ATP9A: variants seen among roughly 807,000 people sequenced by gnomAD.
ATP9A encodes probable phospholipid-transporting ATPase IIA.
Under a neutral mutation model 144.1 loss-of-function variants are expected in ATP9A, and 52 were observed. The observed-to-expected ratio is 0.36, with a 90% confidence interval of 0.29 to 0.45. The LOEUF is 0.45. Ranked by LOEUF, ATP9A falls within the 20% of genes least tolerant of loss-of-function variation. The pLI, the probability that ATP9A is intolerant of heterozygous loss-of-function variation, is 1.00. For missense variants in ATP9A, 947 were observed against 1,392.7 expected (o/e 0.68, Z 5.09); for synonymous variants, 582 against 557.4 (o/e 1.04, Z -0.62).
intron 1 of ATP9A, among the ~76,000 whole-genome samples, chr20:51,743,535 G>A (rs1233462976): frequency 2.0e-5 from 3 of 150,034 alleles, no homozygotes; most frequent in Admixed American, 6.7e-5. Context: ...GAGTAGCTGG[G>A]ATTACAGGCG....
At chr20:51,724,711 A>G (rs1324825493) in intron 3 of ATP9A, among the ~76,000 whole-genome samples, 2 of 152,202 alleles carry the variant, frequency 1.3e-5, no homozygotes, top group African/African-American at 2.4e-5. Flanking sequence ...GGCCTGGCAC[A>G]CAGCAGGTGC....
In ATP9A at chr20:51,618,735, T is replaced by A. The variant is rs762974731; in HGVS notation, c.2277A>T (p.Arg759=). Residue 759 remains arginine (R), a synonymous_variant, in exon 21 of 28, where the codon CGA becomes CGT. Transcript: ENST00000338821. ...ACQCPAVVCC[R]CAPTQKAQIV... Reference sequence around the variant, plus strand: ...TCTGGGCCTTCTGGGTGGGGGCACATCGGCAGCAGACTACGGCCGGGCACT... The same window carrying A: ...TCTGGGCCTTCTGGGTGGGGGCACAACGGCAGCAGACTACGGCCGGGCACT... The A allele has an allele frequency of 6.2e-7, 1 of 1,612,318 alleles. No individual in the cohort carries two copies. Among genetic ancestry groups the A allele is most frequent in the Non-Finnish European group, 8.5e-7 (1 of 1,179,358 alleles).
intron 1 of ATP9A, among the ~76,000 whole-genome samples, chr20:51,732,105 G>A (rs996373157): frequency 2.0e-5 from 3 of 152,038 alleles, no homozygotes; most frequent in Non-Finnish European, 4.4e-5. Flanking sequence ...CCACTCCCAG[G>A]TCACCCTCCC....
intron 2 of ATP9A, among the ~76,000 whole-genome samples, chr20:51,729,604 G>A (rs901529773): frequency 2.6e-5 from 4 of 152,112 alleles, no homozygotes; most frequent in Non-Finnish European, 5.9e-5. Flanking sequence ...AATTAGCCAC[G>A]CGTGGTGGCA....
At chr20:51,764,976 C>T (rs550713194) in intron 1 of ATP9A, among the ~76,000 whole-genome samples, 3 of 152,246 alleles carry the variant, frequency 2.0e-5, no homozygotes, top group Admixed American at 2.0e-4. Context: ...CCACCTTGGC[C>T]TCCCAAAGTG....
intron 9 of ATP9A, among the ~76,000 whole-genome samples, chr20:51,687,194 C>T (rs897138277): frequency 1.3e-5 from 2 of 149,472 alleles, no homozygotes; most frequent in African/African-American, 5.1e-5. Context: ...CCCTGGGTGG[C>T]TGTGCCCAGG....
At chr20:51,725,409 A>ACCGTGC (rs2077707973) in intron 3 of ATP9A, among the ~76,000 whole-genome samples, 2 of 152,170 alleles carry the variant, frequency 1.3e-5, no homozygotes, top group African/African-American at 4.8e-5. Flanking sequence ...GGCATGAGCC[A>ACCGTGC]CCGTGCCTGG....
At chr20:51,744,147 A>C (rs1294161954) in intron 1 of ATP9A, among the ~76,000 whole-genome samples, 1 of 151,662 alleles carries the variant, frequency 6.6e-6, no homozygotes, top group Non-Finnish European at 1.5e-5. Flanking sequence ...TAGACCATTT[A>C]TTTATTATTT....
intron 4 of ATP9A, among the ~76,000 whole-genome samples, chr20:51,699,267 A>G (rs1568826261): frequency 1.5e-5 from 2 of 137,428 alleles, no homozygotes; most frequent in Non-Finnish European, 3.1e-5. Flanking sequence ...CGGGAGGTGG[A>G]GGTTGCAGTG....
intron 1 of ATP9A, among the ~76,000 whole-genome samples, chr20:51,746,600 G>A (rs986491716): frequency 6.6e-6 from 1 of 152,228 alleles, no homozygotes; most frequent in Non-Finnish European, 1.5e-5. Flanking sequence ...AACATTTTGG[G>A]AGGCCAAGAC....
At chr20:51,605,069 G>A (rs763602290) in intron 26 of ATP9A, 49 bp from the exon 27 acceptor site, 19 of 1,477,836 alleles carry the variant, frequency 1.3e-5, no homozygotes, top group South Asian at 4.2e-5. Context: ...TGCGAAAGCC[G>A]TGCGCTGCTC....
chr20:51,633,253 T>C (rs2077277033), intron 15 of ATP9A, among the ~76,000 whole-genome samples: 1 of 149,234 alleles, frequency 6.7e-6, no homozygotes, highest in Non-Finnish European at 1.5e-5. Context: ...TAAAAATCAT[T>C]AAAATCAGAT....
At chr20:51,752,805 T>C (rs1482625669) in intron 1 of ATP9A, among the ~76,000 whole-genome samples, 4 of 152,108 alleles carry the variant, frequency 2.6e-5, no homozygotes, top group Admixed American at 2.6e-4. Context: ...GGATTCAGAA[T>C]GAAAACATTA....
At chr20:51,700,862 A>G (rs2077590533) in intron 4 of ATP9A, among the ~76,000 whole-genome samples, 2 of 152,240 alleles carry the variant, frequency 1.3e-5, no homozygotes, top group Non-Finnish European at 2.9e-5. Context: ...GAGCGAAAGA[A>G]AGAGAGAAAT....
In ATP9A at chr20:51,608,572, A is replaced by G. The variant is rs781617286; in HGVS notation, c.2691T>C (p.Asp897=). ...ACAGCATGGCAACTTCCGATTTGAC[A>G]TCTTTGTCCAGGACCAGAGAAAACA... ...FPVFSLVLDK[D]VKSEVAMLYP... The change falls in exon 25 of 28, where the codon GAT becomes GAC. Residue 897 remains aspartate, a synonymous_variant. Transcript: ENST00000338821. The G allele has an allele frequency of 4.3e-6, 7 of 1,613,806 alleles. No homozygotes were observed. The highest frequency in any genetic ancestry group is 5.9e-6 in the Non-Finnish European group (7 of 1,179,764).
At chr20:51,768,191 C>T in intron 1 of ATP9A, 111 bp downstream of exon 1, 2 of 589,716 alleles carry the variant, frequency 3.4e-6, no homozygotes, top group African/African-American at 2.0e-5. Flanking sequence ...GCCCCAGGCT[C>T]ATGGCGCCGG....
chr20:51,601,438 GA>G, intron 27 of ATP9A, 91 bp from the exon 28 acceptor site: 1 of 1,326,676 alleles, frequency 7.5e-7, no homozygotes, highest in South Asian at 1.6e-5. Context: ...CTATCAAAGG[GA>G]AAGTCATCTC....
At chr20:51,750,823 G>A (rs902816797) in intron 1 of ATP9A, among the ~76,000 whole-genome samples, 52 of 152,268 alleles carry the variant, frequency 3.4e-4, no homozygotes, top group African/African-American at 1.2e-3. Context: ...TTGTCTAGAT[G>A]GCAACCTAGG....
intron 1 of ATP9A, among the ~76,000 whole-genome samples, chr20:51,732,947 C>A (rs2077748392): frequency 6.6e-6 from 1 of 151,700 alleles, no homozygotes; most frequent in Admixed American, 6.6e-5. Flanking sequence ...GCCAGTAATT[C>A]TCTCCCTATC....
Sources: gnomAD v4.1 joint callset for allele counts (sites outside exome capture counted in the v4.1 genomes callset) on GRCh38, gnomAD v4.1.1 for gene constraint, MANE v1.5 for transcripts, NCBI Gene and HGNC (gene_info 2026-07-23, HGNC 2026-07-21) for gene names.